The following TMEM67 variants were observed in gnomAD, a reference collection of about 807,000 sequenced individuals.
The protein encoded by TMEM67 is meckelin.
TMEM67 carries 124 observed loss-of-function variants against 136.6 expected under a neutral mutation model. That is an observed-to-expected ratio of 0.91 (90% CI 0.78 to 1.05). TMEM67 has a LOEUF of 1.05. Among genes scored for constraint, TMEM67 ranks in the 50% least tolerant of loss-of-function variants. TMEM67 has a pLI of 0.00. For synonymous variants in TMEM67, 364 were observed against 390.5 expected (o/e 0.93, Z 0.80); for missense variants, 1,107 against 1,178.4 (o/e 0.94, Z 0.89).
chr8:93,796,205 G>C (rs933139579), intron 18 of TMEM67, among the ~76,000 whole-genome samples: 1 of 152,094 alleles, frequency 6.6e-6, no homozygotes, highest in African/African-American at 2.4e-5. Flanking sequence ...CCATGAATTT[G>C]TATGGCTTAT....
At chr8:93,777,978 G>A (rs1389578512) in intron 7 of TMEM67, among the ~76,000 whole-genome samples, 2 of 152,160 alleles carry the variant, frequency 1.3e-5, no homozygotes, top group Non-Finnish European at 2.9e-5. Context: ...TTATTATTGT[G>A]TGGGAGTCTA....
In TMEM67 at chr8:93,815,316, T is replaced by G. The variant is rs763360678; in HGVS notation, c.2776T>G (p.Ser926Ala). 6.4e-7 allele frequency: 1 copy of G among 1,573,724 alleles called. No homozygotes were observed. Among genetic ancestry groups the G allele is most frequent in the Non-Finnish European group, 8.6e-7 (1 of 1,156,172 alleles). ...KSIFYNDEGY[S>A]FSSVLYYGNE... ...AATTTTTTTAATAGATGAAGGTTAT[T>G]CTTTCAGCAGTGTCCTGTATTATGG... is the stretch of plus-strand genomic sequence containing the variant. The change falls in exon 27 of 28, where the codon TCT becomes GCT. Residue 926 changes from serine (S) to alanine (A), a missense_variant. Physicochemically the swap from Ser to Ala is moderately conservative, Grantham distance 99. Transcript: ENST00000453321.
chr8:93,804,905 T>A (rs1250653905), intron 23 of TMEM67, 27 bp downstream of exon 23: 1 of 1,301,282 alleles, frequency 7.7e-7, no homozygotes, highest in South Asian at 1.2e-5. Context: ...CATCTTTTTG[T>A]TTTTAAGTTG....
At chr8:93,802,239 A>C (rs1409833663) in intron 21 of TMEM67, among the ~76,000 whole-genome samples, 1 of 152,232 alleles carries the variant, frequency 6.6e-6, no homozygotes, top group African/African-American at 2.4e-5. Context: ...TTCATGGTCC[A>C]TAATAGCCAA....
chr8:93,784,229 T>C (rs1036753223), intron 11 of TMEM67, among the ~76,000 whole-genome samples: 5 of 152,216 alleles, frequency 3.3e-5, no homozygotes, highest in African/African-American at 9.6e-5. Flanking sequence ...TAAATGTTAT[T>C]GTGCTTCTAA....
chr8:93,791,531 C>G (rs1041306487), intron 15 of TMEM67, among the ~76,000 whole-genome samples: 10 of 152,114 alleles, frequency 6.6e-5, no homozygotes. Context: ...TTGAATTTCA[C>G]TATTGAATTT....
chr8:93,800,282 T>C (rs1814814743), intron 21 of TMEM67, among the ~76,000 whole-genome samples: 1 of 152,182 alleles, frequency 6.6e-6, no homozygotes, highest in Admixed American at 6.5e-5. Flanking sequence ...TCTTGGCCTT[T>C]AGGCTAAGAT....
the TMEM67 span, among the ~76,000 whole-genome samples, chr8:93,826,433 TA>T: frequency 1.3e-5 from 2 of 152,168 alleles, no homozygotes; most frequent in East Asian, 3.9e-4. Context: ...ACTCTGTAAA[TA>T]AGTGGGTTAG....
At chr8:93,778,990 C>A (rs1813684308) in intron 7 of TMEM67, among the ~76,000 whole-genome samples, 1 of 152,194 alleles carries the variant, frequency 6.6e-6, no homozygotes, top group African/African-American at 2.4e-5. Context: ...TTCAGGTACA[C>A]CAATCAAACA....
At chr8:93,814,444 A>G (rs1266486597) in intron 26 of TMEM67, among the ~76,000 whole-genome samples, 3 of 135,614 alleles carry the variant, frequency 2.2e-5, no homozygotes, top group Non-Finnish European at 3.2e-5. Flanking sequence ...GGAAAGATCT[A>G]TAGCTTTCAT....
Position 93,799,635 on chromosome 8 carries a change from C to T in TMEM67, c.2118C>T (p.Asn706=), listed in dbSNP as rs1344326577. 6.2e-7 allele frequency: 1 copy of T among 1,611,992 alleles called. No individual in the cohort carries two copies. Among genetic ancestry groups the T allele is most frequent in the Non-Finnish European group, 8.5e-7 (1 of 1,179,068 alleles). ...LFFLEVVGFK[N]LALMDSSSSL... is the part of the protein sequence containing the mutation. Reference sequence around the variant, plus strand: ...TACTCCAGGTTGTGGGATTCAAGAACTTAGCATTAATGGACTCATCTTCTA... The same window carrying T: ...TACTCCAGGTTGTGGGATTCAAGAATTTAGCATTAATGGACTCATCTTCTA... The change falls in exon 21 of 28, where the codon AAC becomes AAT. Residue 706 remains asparagine (N), a synonymous_variant. Transcript: ENST00000453321.
intron 7 of TMEM67, among the ~76,000 whole-genome samples, chr8:93,778,803 A>C (rs1813674600): frequency 6.6e-6 from 1 of 152,130 alleles, no homozygotes. Flanking sequence ...CCTTCAGTTT[A>C]ACCTTGGTGA....
chr8:93,786,419 G>A, intron 13 of TMEM67, 73 bp downstream of exon 13: 16 of 1,536,700 alleles, frequency 1.0e-5, no homozygotes, highest in Non-Finnish European at 1.4e-5. Flanking sequence ...ATTAGTAGAT[G>A]AAAACAATAA....
intron 16 of TMEM67, 25 bp downstream of exon 16, chr8:93,793,321 A>G (rs767996699): frequency 2.5e-6 from 4 of 1,570,744 alleles, no homozygotes; most frequent in Admixed American, 3.3e-5. Context: ...GTTTTTTAAG[A>G]ATATTTTTAT....
chr8:93,791,634 T>C (rs1446184227), intron 15 of TMEM67, among the ~76,000 whole-genome samples: 1 of 152,212 alleles, frequency 6.6e-6, no homozygotes, highest in Non-Finnish European at 1.5e-5. Context: ...TTCTTAGTCT[T>C]TCTTTGTCTT....
At position 93,812,899 on chromosome 8, in the gene TMEM67, G is replaced by T. The variant is rs1479280896; in HGVS notation, c.2765-2406G>T. On this transcript the variant is annotated intron_variant, in intron 26 of 27. Transcript: ENST00000453321. ...TACAGGCGTGTGCCACCACACCTGG[G>T]TAATTTTTGTATTTTTAGTAGAGGC... is the stretch of plus-strand genomic sequence containing the variant. Among the ~76,000 whole-genome samples the T allele has an allele frequency of 3.3e-5, 5 of 151,418 alleles. 1 individual carries two copies. The highest frequency in any genetic ancestry group is 3.3e-4 in the Admixed American group (5 of 15,200).
At chr8:93,788,692 G>A (rs1018731634) in intron 14 of TMEM67, among the ~76,000 whole-genome samples, 8 of 152,208 alleles carry the variant, frequency 5.3e-5, no homozygotes, top group African/African-American at 1.4e-4. Flanking sequence ...CAGGCAGAAA[G>A]AGATGATGAT....
At chr8:93,757,910 C>T (rs1476158835) in intron 2 of TMEM67, among the ~76,000 whole-genome samples, 2 of 152,024 alleles carry the variant, frequency 1.3e-5, no homozygotes, top group Non-Finnish European at 2.9e-5. Flanking sequence ...GCATACACCA[C>T]CACGCCCAGC....
rs1397933745 is a variant in TMEM67, at chr8:93,781,681, T to A, written c.1002T>A (p.Ala334=). The A allele has an allele frequency of 1.0e-5, 16 of 1,606,392 alleles. No individual in the cohort carries two copies. In the Admixed American group the frequency reaches 2.5e-4, roughly 25 times the overall value. The change falls in exon 10 of 28, where the codon GCT becomes GCA. Residue 334 remains alanine, a synonymous_variant. Transcript: ENST00000453321. ...AGAATACAAAACTGAAGTTTGTTGC[T>A]GCTTCCTATGATATAAGAGGAAATT... ...ENQNTKLKFV[A]ASYDIRGNFL... is the part of the protein sequence containing the mutation.
Sources: allele counts gnomAD v4.1 joint callset (sites outside exome capture counted in the v4.1 genomes callset), GRCh38; gene constraint gnomAD v4.1.1; transcripts MANE v1.5; gene names NCBI Gene and HGNC (gene_info 2026-07-23, HGNC 2026-07-21).